The following CNTN5 variants were observed in gnomAD, a reference collection of about 807,000 sequenced individuals.
CNTN5 encodes contactin 5, also known as contactin-5.
In CNTN5, 77 loss-of-function variants were observed where a neutral mutation model predicts 129.1. That is an observed-to-expected ratio of 0.60 (90% confidence interval 0.50 to 0.72). The LOEUF is 0.72. Ranked by LOEUF, CNTN5 falls within the 30% of genes least tolerant of loss-of-function variation. The probability of loss-of-function intolerance (pLI) is 0.00; values close to 1 mark genes in which losing one functional copy is unlikely to be tolerated. For missense variants in CNTN5, 1,478 were observed against 1,328.8 expected (o/e 1.11, Z -1.75); for synonymous variants, 509 against 465.6 (o/e 1.09, Z -1.20).
intron 2 of CNTN5, among the ~76,000 whole-genome samples, chr11:99,355,456 A>AC (rs1445559085): frequency 6.6e-6 from 1 of 152,046 alleles, no homozygotes. Context: ...AATCCATAAG[A>AC]CCCCTCAGTG....
At position 99,934,378 on chromosome 11, in the gene CNTN5, T is replaced by C. The variant is rs971395071; in HGVS notation, c.673+18229T>C. 5.2e-4 allele frequency among the ~76,000 whole-genome samples: 79 copies of C among 152,300 alleles called. 1 individual carries two copies. The highest frequency in any genetic ancestry group is 1.8e-3 in the African/African-American group (76 of 41,582). On this transcript the variant is annotated intron_variant, in intron 7 of 24. Transcript: ENST00000524871. ...CCAGCCACATATATTAATACACATA[T>C]TTTTGAGTTTAAATAACAATTGACA...
intron 2 of CNTN5, among the ~76,000 whole-genome samples, chr11:99,458,097 G>A (rs890850209): frequency 1.3e-5 from 2 of 151,718 alleles, no homozygotes; most frequent in Non-Finnish European, 2.9e-5. Flanking sequence ...TAATAACAAA[G>A]TATTATTTGT....
chr11:100,172,160 C>T (rs1947845610), intron 13 of CNTN5, among the ~76,000 whole-genome samples: 1 of 151,892 alleles, frequency 6.6e-6, no homozygotes, highest in South Asian at 2.1e-4. Flanking sequence ...AATATTAAAA[C>T]AAATACTATT....
intron 1 of CNTN5, among the ~76,000 whole-genome samples, chr11:99,266,701 G>A (rs1254300673): frequency 1.3e-5 from 2 of 152,054 alleles, no homozygotes; most frequent in Non-Finnish European, 2.9e-5. Flanking sequence ...GACGTATATT[G>A]CATAATGGTT....
chr11:99,973,332 G>A (rs1256928565), intron 8 of CNTN5, among the ~76,000 whole-genome samples: 2 of 152,056 alleles, frequency 1.3e-5, no homozygotes, highest in Non-Finnish European at 2.9e-5. Context: ...GTTTTTGTGG[G>A]CCTTTAAGGT....
chr11:99,932,045 C>T (rs1591440442), intron 7 of CNTN5, among the ~76,000 whole-genome samples: 1 of 152,098 alleles, frequency 6.6e-6, no homozygotes, highest in South Asian at 2.1e-4. Context: ...GTATAGTTTG[C>T]CATTTGACTA....
At chr11:100,043,269 T>C (rs1465275186) in intron 9 of CNTN5, among the ~76,000 whole-genome samples, 1 of 152,220 alleles carries the variant, frequency 6.6e-6, no homozygotes, top group Admixed American at 6.5e-5. Flanking sequence ...GCATATGGCA[T>C]ATTCATAATG....
At chr11:99,864,508 A>T (rs1948303116) in intron 6 of CNTN5, among the ~76,000 whole-genome samples, 1 of 152,054 alleles carries the variant, frequency 6.6e-6, no homozygotes, top group East Asian at 1.9e-4. Context: ...ATAGCACTGT[A>T]GTCTTCCCTC....
At chr11:100,138,037 CA>C (rs1326154610) in intron 13 of CNTN5, among the ~76,000 whole-genome samples, 2 of 151,742 alleles carry the variant, frequency 1.3e-5, no homozygotes, top group South Asian at 4.2e-4. Flanking sequence ...ACTTAGTTGA[CA>C]AAATAGATGA....
At chr11:99,978,787 C>A (rs750083562) in intron 8 of CNTN5, among the ~76,000 whole-genome samples, 1 of 152,142 alleles carries the variant, frequency 6.6e-6, no homozygotes, top group Non-Finnish European at 1.5e-5. Flanking sequence ...TATTTTATGA[C>A]ATTTAACATT....
intron 8 of CNTN5, among the ~76,000 whole-genome samples, chr11:99,971,698 A>C (rs1448536601): frequency 2.0e-5 from 3 of 151,998 alleles, no homozygotes; most frequent in South Asian, 2.1e-4. Flanking sequence ...TTATTCTCCC[A>C]CAGATTGAAA....
chr11:99,485,418 T>G (rs1001954780), intron 2 of CNTN5, among the ~76,000 whole-genome samples: 2 of 152,036 alleles, frequency 1.3e-5, no homozygotes, highest in African/African-American at 4.8e-5. Context: ...TGAACTGTAA[T>G]GTAAATAATG....
intron 7 of CNTN5, among the ~76,000 whole-genome samples, chr11:99,952,541 T>TG (rs1343974884): frequency 6.6e-6 from 1 of 152,138 alleles, no homozygotes; most frequent in Non-Finnish European, 1.5e-5. Flanking sequence ...ATTTATTTTT[T>TG]ATTTTTTTGA....
chr11:99,766,702 A>T lies in CNTN5; in HGVS notation c.56-52842A>T, dbSNP rs17134393. 7.4e-3 allele frequency among the ~76,000 whole-genome samples: 1,128 copies of T among 152,084 alleles called. 25 individuals are homozygous for T. The highest frequency in any genetic ancestry group is 0.061 in the East Asian group (317 of 5,176). On this transcript the variant is annotated intron_variant, in intron 3 of 24. Coordinates refer to ENST00000524871, the MANE Select transcript of CNTN5 (RefSeq NM_014361.4). The stretch of plus-strand genomic sequence containing the variant: ...TTTTCATCATTTCCCTGTCAAATTT[A>T]TCTGTGGAACTGGATTTAATATGCT...
chr11:100,133,197 A>G (rs35929229), intron 13 of CNTN5, among the ~76,000 whole-genome samples: 6,255 of 152,208 alleles, frequency 0.041, 191 homozygotes, highest in Non-Finnish European at 0.063. Context: ...AGCAACTTAC[A>G]TATGCAGTTA....
intron 21 of CNTN5, among the ~76,000 whole-genome samples, chr11:100,317,128 TGTC>T (rs780905468): frequency 6.6e-6 from 1 of 152,224 alleles, no homozygotes; most frequent in Non-Finnish European, 1.5e-5. Flanking sequence ...CTATAAAAGA[TGTC>T]GTGGTGGGGA....
chr11:100,095,408 G>T (rs1222174231), intron 13 of CNTN5, among the ~76,000 whole-genome samples: 1 of 151,988 alleles, frequency 6.6e-6, no homozygotes, highest in Non-Finnish European at 1.5e-5. Context: ...AAAAATTCAC[G>T]ATGTGTTTGA....
intron 2 of CNTN5, among the ~76,000 whole-genome samples, chr11:99,460,240 T>C (rs949029264): frequency 3.3e-5 from 5 of 151,570 alleles, no homozygotes; most frequent in African/African-American, 9.7e-5. Flanking sequence ...ATCTCTTAAA[T>C]AGAAATTTTT....
chr11:100,161,993 T>C (rs1947471131), intron 13 of CNTN5, among the ~76,000 whole-genome samples: 3 of 151,626 alleles, frequency 2.0e-5, no homozygotes, highest in Non-Finnish European at 4.4e-5. Context: ...ACTTTAAAAT[T>C]GAGAGTGGTT....
Sources: allele counts gnomAD v4.1 joint callset (sites outside exome capture counted in the v4.1 genomes callset), GRCh38; gene constraint gnomAD v4.1.1; transcripts MANE v1.5; gene names NCBI Gene and HGNC (gene_info 2026-07-23, HGNC 2026-07-21).